The following LINGO3 variants were observed in gnomAD, a reference collection of about 807,000 sequenced individuals.
The protein encoded by LINGO3 is leucine-rich repeat and immunoglobulin-like domain-containing nogo receptor-interacting protein 3.
For missense variants in LINGO3, 750 were observed against 867.7 expected (o/e 0.86, Z 1.70); for synonymous variants, 427 against 444.2 (o/e 0.96, Z 0.49).
chr19:2,292,939 A>C (rs2025540267), upstream of LINGO3, among the ~76,000 whole-genome samples: 1 of 152,180 alleles, frequency 6.6e-6, no homozygotes, highest in Admixed American at 6.5e-5. Context: ...AGCCACCCAC[A>C]CACGAACACG....
the LINGO3 span, among the ~76,000 whole-genome samples, chr19:2,302,469 G>A: frequency 2.6e-5 from 4 of 152,200 alleles, no homozygotes; most frequent in Non-Finnish European, 5.9e-5. Context: ...CTGTGTCCTC[G>A]GGTGACGTCA....
chr19:2,305,778 G>A, the LINGO3 span, among the ~76,000 whole-genome samples: 1 of 152,170 alleles, frequency 6.6e-6, no homozygotes, highest in Non-Finnish European at 1.5e-5. Flanking sequence ...AGTAAGGGGA[G>A]TGTGCTCTGG....
At chr19:2,302,407 A>G in the LINGO3 span, among the ~76,000 whole-genome samples, 3 of 152,128 alleles carry the variant, frequency 2.0e-5, no homozygotes, top group Non-Finnish European at 4.4e-5. Flanking sequence ...GACACCGTGA[A>G]ATCAGTGTAC....
At chr19:2,296,817 G>GCA (rs2025576157), upstream of LINGO3, among the ~76,000 whole-genome samples, 1 of 151,514 alleles carries the variant, frequency 6.6e-6, no homozygotes. Flanking sequence ...GGCCGGGCAT[G>GCA]GTGGCTCACA....
chr19:2,297,389 C>T, the LINGO3 span, among the ~76,000 whole-genome samples: 1 of 149,834 alleles, frequency 6.7e-6, no homozygotes, highest in Admixed American at 6.7e-5. Context: ...ACTGCAACCT[C>T]CGCCTCCCAG....
the LINGO3 span, among the ~76,000 whole-genome samples, chr19:2,297,651 C>T: frequency 2.1e-5 from 3 of 142,222 alleles, no homozygotes; most frequent in Non-Finnish European, 4.5e-5. Context: ...TTTGTCCAGG[C>T]TGGAGTGCAA....
chr19:2,305,106 A>G, the LINGO3 span, among the ~76,000 whole-genome samples: 1 of 152,148 alleles, frequency 6.6e-6, no homozygotes, highest in African/African-American at 2.4e-5. Context: ...CTGCTGTCAC[A>G]GCAGCCAGAA....
upstream of LINGO3, among the ~76,000 whole-genome samples, chr19:2,293,363 CT>C (rs753063214): frequency 1.7e-3 from 230 of 132,818 alleles, no homozygotes; most frequent in Admixed American, 2.3e-3. Context: ...CGCGCCTGGC[CT>C]TTTTTTTTTT....
exon 1 of LINGO3, chr19:2,289,845 A>C: frequency 1.6e-6 from 1 of 619,392 alleles, no homozygotes; most frequent in Non-Finnish European, 2.8e-6. Context: ...CTGATGAAAA[A>C]CAGTCCTGCG....
chr19:2,291,500 C>A lies in LINGO3; in HGVS notation c.277G>T (p.Val93Leu), dbSNP rs200778841. The A allele has an allele frequency of 2.7e-5, 43 of 1,611,264 alleles. No homozygotes were observed. The highest frequency in any genetic ancestry group is 5.0e-5 in the Admixed American group (3 of 59,820). ...AGGTTGGCGAAGGCGCCGGGCTCCA[C>A]GTGCGCGATGGCGTTCTCGCTCAGG... is the stretch of plus-strand genomic sequence containing the variant. The change falls in exon 1 of 1, where the codon GTG (valine) becomes TTG (leucine). Residue 93 changes from valine to leucine, a missense_variant. By Grantham distance (32) the Val-to-Leu change is conservative (BLOSUM62 1). Coordinates refer to ENST00000585527, the Ensembl canonical transcript of LINGO3.
chr19:2,289,124 G>A (rs1202635629), downstream of LINGO3, among the ~76,000 whole-genome samples: 1 of 151,174 alleles, frequency 6.6e-6, no homozygotes, highest in Non-Finnish European at 1.5e-5. Flanking sequence ...TGTATCAGGT[G>A]TGAGCTGAGT....
the LINGO3 span, among the ~76,000 whole-genome samples, chr19:2,300,668 C>T: frequency 6.6e-6 from 1 of 152,236 alleles, no homozygotes; most frequent in East Asian, 1.9e-4. Flanking sequence ...TCCTCTCCCA[C>T]AGGCCAGAGT....
exon 1 of LINGO3, chr19:2,291,375 G>A: frequency 1.2e-6 from 2 of 1,613,450 alleles, no homozygotes; most frequent in South Asian, 1.1e-5. Flanking sequence ...GCTTGTTCTC[G>A]CTCAGGTCCA....
the LINGO3 span, among the ~76,000 whole-genome samples, chr19:2,306,135 C>T: frequency 2.6e-5 from 4 of 152,336 alleles, no homozygotes; most frequent in Admixed American, 2.6e-4. Context: ...CCGGCCACTT[C>T]ACCCACTAGC....
the LINGO3 span, among the ~76,000 whole-genome samples, chr19:2,301,513 G>T: frequency 6.6e-6 from 1 of 152,080 alleles, no homozygotes; most frequent in Non-Finnish European, 1.5e-5. Context: ...CACACAGTGC[G>T]CCTCCAGTTC....
chr19:2,297,784 T>C, the LINGO3 span, among the ~76,000 whole-genome samples: 2 of 152,136 alleles, frequency 1.3e-5, no homozygotes, highest in East Asian at 3.9e-4. Flanking sequence ...TTTGTATTTT[T>C]AGTAGCGATG....
chr19:2,307,589 C>T, the LINGO3 span, among the ~76,000 whole-genome samples: 1 of 152,222 alleles, frequency 6.6e-6, no homozygotes, highest in African/African-American at 2.4e-5. Context: ...GCCGTCAGCT[C>T]CAGCGATGGA....
the LINGO3 span, among the ~76,000 whole-genome samples, chr19:2,297,895 C>T: frequency 3.3e-5 from 5 of 151,736 alleles, no homozygotes; most frequent in African/African-American, 9.7e-5. Flanking sequence ...TGAGCCACCG[C>T]GCCTGGCCTG....
At chr19:2,304,624 C>T in the LINGO3 span, among the ~76,000 whole-genome samples, 21 of 143,838 alleles carry the variant, frequency 1.5e-4, no homozygotes, top group African/African-American at 4.6e-4. Context: ...CCAAGGGATG[C>T]GGGTGCCTCT....
Sources: allele counts gnomAD v4.1 joint callset (sites outside exome capture counted in the v4.1 genomes callset), GRCh38; gene constraint gnomAD v4.1.1; transcripts MANE v1.5; gene names NCBI Gene and HGNC (gene_info 2026-07-23, HGNC 2026-07-21).